BRWD1: variants seen among roughly 807,000 people sequenced by gnomAD.
BRWD1 encodes the protein bromodomain and WD repeat-containing protein 1.
Under a neutral mutation model 251.2 loss-of-function variants are expected in BRWD1, and 82 were observed. The observed-to-expected ratio is 0.33, with a 90% confidence interval of 0.27 to 0.39. BRWD1 has a LOEUF of 0.39. Ranked by LOEUF, BRWD1 falls within the 10% of genes least tolerant of loss-of-function variation. The pLI, the probability that BRWD1 is intolerant of heterozygous loss-of-function variation, is 1.00. For synonymous variants in BRWD1, 918 were observed against 902.8 expected, an observed-to-expected ratio of 1.02 and a Z score of -0.30; for missense variants, 2,233 against 2,711.6, an observed-to-expected ratio of 0.82 and a Z score of 3.92.
chr21:39,212,643 G>C lies in BRWD1; in HGVS notation c.3900+23C>G, dbSNP rs577500608. 6 of 1,517,868 alleles carry C rather than the reference G, an allele frequency of 4.0e-6. No homozygotes were observed. In the African/African-American group the frequency reaches 8.4e-5, roughly 21 times the overall value. The allele number at this position is 1,517,868 out of a possible 1,614,324, so 94.0% of individuals were successfully genotyped here. A position where few individuals can be genotyped will look rare whatever the true frequency, so the allele number is the denominator to read the frequency against. On this transcript the variant is annotated intron_variant, in intron 34 of 40. Transcript: ENST00000342449. ...AAACAAAGAAAAAGAAACTACAAAA[G>C]TCAACCATGCAGAGTAACTTACTCT...
intron 40 of BRWD1, among the ~76,000 whole-genome samples, chr21:39,198,015 C>T (rs1327572636): frequency 2.0e-5 from 3 of 152,110 alleles, no homozygotes; most frequent in South Asian, 2.1e-4. Context: ...AACATGAATA[C>T]AACTAAACTG....
chr21:39,262,159 A>G (rs991849396), intron 17 of BRWD1, among the ~76,000 whole-genome samples: 5 of 152,246 alleles, frequency 3.3e-5, no homozygotes, highest in Non-Finnish European at 7.3e-5. Flanking sequence ...GAACTTTAAA[A>G]TACATAAAGT....
intron 17 of BRWD1, among the ~76,000 whole-genome samples, chr21:39,260,923 C>T (rs1018788575): frequency 6.6e-6 from 1 of 152,142 alleles, no homozygotes; most frequent in African/African-American, 2.4e-5. Flanking sequence ...AATTATTTGA[C>T]TAAATACTGA....
At chr21:39,230,119 A>C (rs1303857378) in intron 25 of BRWD1, among the ~76,000 whole-genome samples, 6 of 152,184 alleles carry the variant, frequency 3.9e-5, no homozygotes, top group Admixed American at 3.9e-4. Flanking sequence ...GTGTTCTTCA[A>C]AATCTTGATA....
intron 13 of BRWD1, among the ~76,000 whole-genome samples, 161 bp from the exon 14 acceptor site, chr21:39,270,594 A>G (rs1241690472): frequency 6.6e-6 from 1 of 152,246 alleles, no homozygotes; most frequent in Non-Finnish European, 1.5e-5. Flanking sequence ...ACTGTCTAGA[A>G]ACAGGTGAGG....
chr21:39,228,766 AAT>A (rs201872778), intron 26 of BRWD1, among the ~76,000 whole-genome samples, 184 bp from the exon 27 acceptor site: 6,315 of 152,318 alleles, frequency 0.041, 198 homozygotes, highest in Non-Finnish European at 0.065. Flanking sequence ...ATATTATTTC[AAT>A]ATGTTATCAA....
At chr21:39,258,141 C>T (rs1435999961) in intron 18 of BRWD1, among the ~76,000 whole-genome samples, 2 of 152,166 alleles carry the variant, frequency 1.3e-5, no homozygotes, top group African/African-American at 2.4e-5. Context: ...AAAAATCATA[C>T]TCTACCCAAT....
chr21:39,217,074 TATATATA>T (rs2032969988), intron 31 of BRWD1: 12 of 10,766 alleles, frequency 1.1e-3, no homozygotes, highest in Admixed American at 2.3e-3. Context: ...TATATATATA[TATATATA>T]TATTTTTTTT....
chr21:39,288,665 AAC>A (rs1203359170), intron 8 of BRWD1, among the ~76,000 whole-genome samples: 1 of 152,246 alleles, frequency 6.6e-6, no homozygotes, highest in African/African-American at 2.4e-5. Flanking sequence ...ACAGTCAATT[AAC>A]ACATATTTTT....
At chr21:39,244,680 C>T (rs1340505387) in intron 21 of BRWD1, among the ~76,000 whole-genome samples, 6 of 151,922 alleles carry the variant, frequency 3.9e-5, no homozygotes, top group East Asian at 1.9e-4. Flanking sequence ...AATGACCTTA[C>T]GTAACAGTTT....
chr21:39,314,681 G>A (rs930959978), upstream of BRWD1: 2 of 263,750 alleles, frequency 7.6e-6, no homozygotes, highest in Middle Eastern at 1.4e-3. Context: ...TGGTGTCCCT[G>A]CCTTCCTGGA....
chr21:39,214,880 C>T (rs1601292634), intron 32 of BRWD1, among the ~76,000 whole-genome samples: 1 of 117,568 alleles, frequency 8.5e-6, no homozygotes. Context: ...TTTTTTTTTC[C>T]TTTTTTTTTT....
rs1291637761 is a variant in BRWD1 at position 39,281,919 on chromosome 21, T to A, written c.832-1671A>T. ...GTATGTATGTATACATGTATATATA[T>A]ACGTATACATACATATACATGTGTA... On this transcript the variant is annotated intron_variant, in intron 8 of 40. Transcript: ENST00000342449. Among the ~76,000 whole-genome samples, 5 of 74,462 alleles carry A rather than the reference T, an allele frequency of 6.7e-5. No homozygotes were observed. In the South Asian group the frequency reaches 1.6e-3, roughly 24 times the overall value. 48.8% of individuals were successfully genotyped at this position (74,462 alleles called of 152,430 possible).
Position 39,187,272 on chromosome 21 carries a change from TGCAGCAACAGTA to T in BRWD1, c.*8975_*8986del. On this transcript the variant is annotated 3_prime_UTR_variant, in exon 41 of 41. Coordinates refer to ENST00000342449, the MANE Select transcript of BRWD1 (RefSeq NM_033656.4). Reference sequence around the variant, plus strand: ...GATTACTCATTATCTTTATTTTATTTGCAGCAACAGTAGCACATCTGCGGGGAACTTTCTCAG... The same window carrying T: ...GATTACTCATTATCTTTATTTTATTTGCACATCTGCGGGGAACTTTCTCAG... The T allele has an allele frequency of 1.9e-6, 3 of 1,614,056 alleles. No individual in the cohort carries two copies. The highest frequency in any genetic ancestry group is 2.5e-6 in the Non-Finnish European group (3 of 1,179,944).
rs144764626 is a variant in BRWD1 at position 39,283,278 on chromosome 21, G to A, written c.832-3030C>T. Among the ~76,000 whole-genome samples the A allele has an allele frequency of 3.4e-3, 517 of 152,206 alleles. 3 individuals are homozygous for A. The highest frequency in any genetic ancestry group is 0.012 in the African/African-American group (496 of 41,534). On this transcript the variant is annotated intron_variant, in intron 8 of 40. Transcript: ENST00000342449. ...TCATTGGAATTTCAAATGTAAATAC[G>A]CTGATTTTATAGCATAATCAGGAAA...
intron 11 of BRWD1, among the ~76,000 whole-genome samples, chr21:39,276,913 A>G (rs1179915820): frequency 1.3e-5 from 2 of 152,224 alleles, no homozygotes; most frequent in Non-Finnish European, 2.9e-5. Flanking sequence ...AATTGCTTGT[A>G]TGCTTAAATT....
At chr21:39,217,074 TATA>T (rs2032969738) in intron 31 of BRWD1, 2 of 10,790 alleles carry the variant, frequency 1.9e-4, no homozygotes, top group Admixed American at 1.2e-3. Flanking sequence ...TATATATATA[TATA>T]TATATATTTT....
intron 13 of BRWD1, among the ~76,000 whole-genome samples, chr21:39,271,328 A>G (rs1037767765): frequency 3.3e-5 from 5 of 151,752 alleles, no homozygotes; most frequent in African/African-American, 1.2e-4. Flanking sequence ...GGGTCTCTGC[A>G]TTACAGTAGT....
At chr21:39,293,685 A>C in intron 8 of BRWD1, 126 bp downstream of exon 8, 1 of 714,160 alleles carries the variant, frequency 1.4e-6, no homozygotes, top group Non-Finnish European at 2.3e-6. Flanking sequence ...TGTATGAATG[A>C]TTATCACTTC....
Sources: gnomAD v4.1 joint callset for allele counts (sites outside exome capture counted in the v4.1 genomes callset) on GRCh38, gnomAD v4.1.1 for gene constraint, MANE v1.5 for transcripts, NCBI Gene and HGNC (gene_info 2026-07-23, HGNC 2026-07-21) for gene names.